The following PACRG variants were observed in gnomAD, a reference collection of about 807,000 sequenced individuals.
PACRG encodes parkin coregulated gene protein.
In PACRG, 29 loss-of-function variants were observed where a neutral mutation model predicts 29.7. The observed-to-expected ratio is 0.98, with a 90% CI of 0.73 to 1.33. The LOEUF (loss-of-function observed/expected upper bound fraction) is 1.33, where lower values mean the gene tolerates loss of function less well. Among genes scored for constraint, PACRG ranks in the 40% most tolerant of loss-of-function variants. PACRG has a pLI of 0.00. For synonymous variants in PACRG, 116 were observed against 118.7 expected, an observed-to-expected ratio of 0.98 and a Z score of 0.15; for missense variants, 279 against 316.2, an observed-to-expected ratio of 0.88 and a Z score of 0.89.
chr6:162,756,594 A>G (rs1454387392), intron 1 of PACRG, among the ~76,000 whole-genome samples: 2 of 152,066 alleles, frequency 1.3e-5, no homozygotes, highest in South Asian at 2.1e-4. Flanking sequence ...TTAAAAATTT[A>G]TTTAGATTCT....
upstream of PACRG, chr6:162,727,864 C>A: frequency 5.0e-6 from 3 of 600,678 alleles, no homozygotes; most frequent in South Asian, 6.1e-5. Flanking sequence ...CGCGTAGTTT[C>A]TCCTCACGCC....
chr6:163,288,867 A>C (rs1784485584), intron 4 of PACRG, among the ~76,000 whole-genome samples: 1 of 152,216 alleles, frequency 6.6e-6, no homozygotes, highest in African/African-American at 2.4e-5. Context: ...TCTAAAGAGA[A>C]ATACATGTGA....
chr6:162,788,375 A>G (rs185470379), intron 1 of PACRG, among the ~76,000 whole-genome samples: 6 of 151,650 alleles, frequency 4.0e-5, no homozygotes, highest in Admixed American at 2.6e-4. Context: ...ATAATATTCC[A>G]TTATTTGGAT....
chr6:163,031,576 C>G (rs938360899), intron 2 of PACRG, among the ~76,000 whole-genome samples: 13 of 152,144 alleles, frequency 8.5e-5, no homozygotes, highest in African/African-American at 2.9e-4. Context: ...GACAAATCAG[C>G]AAGACAAATT....
rs984868588 is a variant in PACRG at position 162,809,879 on chromosome 6, C to T, written c.157-4268C>T. Among the ~76,000 whole-genome samples the T allele has an allele frequency of 2.6e-5, 4 of 152,236 alleles. 1 individual carries two copies. In the East Asian group the frequency reaches 5.8e-4, roughly 22 times the overall value. On this transcript the variant is annotated intron_variant, in intron 1 of 4. Coordinates refer to ENST00000366888, the MANE Select transcript of PACRG (RefSeq NM_001080379.2). The stretch of plus-strand genomic sequence containing the variant: ...TGGGGCTTTGGGACTTTCCTCTTCA[C>T]TAGAATAGTAAAGAGGCCCCAACAT...
intron 2 of PACRG, among the ~76,000 whole-genome samples, chr6:162,988,697 G>C (rs990014817): frequency 2.6e-4 from 39 of 152,164 alleles, no homozygotes; most frequent in African/African-American, 8.7e-4. Context: ...TTTATGTGCA[G>C]CATATTCATT....
chr6:163,152,625 A>G (rs1333116624), intron 4 of PACRG, among the ~76,000 whole-genome samples: 1 of 152,200 alleles, frequency 6.6e-6, no homozygotes, highest in Non-Finnish European at 1.5e-5. Context: ...TTCCTAACTT[A>G]TCATTGCATC....
At chr6:162,953,698 C>T (rs1474421443) in intron 2 of PACRG, among the ~76,000 whole-genome samples, 1 of 151,512 alleles carries the variant, frequency 6.6e-6, no homozygotes, top group African/African-American at 2.4e-5. Context: ...CTAACCCCCC[C>T]ACACTTTCTC....
chr6:162,749,794 A>G (rs1402767939), intron 1 of PACRG, among the ~76,000 whole-genome samples: 1 of 152,200 alleles, frequency 6.6e-6, no homozygotes, highest in African/African-American at 2.4e-5. Flanking sequence ...TGCTGGCATT[A>G]TAGACGTGAG....
chr6:162,909,615 C>T (rs1033050603), intron 2 of PACRG, among the ~76,000 whole-genome samples: 4 of 141,086 alleles, frequency 2.8e-5, no homozygotes, highest in African/African-American at 1.1e-4. Flanking sequence ...TTCCTTGTCC[C>T]CACTTCCTAC....
intron 2 of PACRG, among the ~76,000 whole-genome samples, chr6:163,030,506 A>C (rs1323141031): frequency 6.6e-6 from 1 of 152,150 alleles, no homozygotes; most frequent in Non-Finnish European, 1.5e-5. Context: ...GCCAGTTGTT[A>C]TGTCACAGGA....
chr6:162,855,773 C>T (rs1791339658), intron 2 of PACRG, among the ~76,000 whole-genome samples: 1 of 152,174 alleles, frequency 6.6e-6, no homozygotes, highest in African/African-American at 2.4e-5. Flanking sequence ...ATGTTTTCTC[C>T]ACTGGAGATG....
At chr6:162,986,279 T>C (rs1802882033) in intron 2 of PACRG, among the ~76,000 whole-genome samples, 1 of 151,792 alleles carries the variant, frequency 6.6e-6, no homozygotes, top group Non-Finnish European at 1.5e-5. Context: ...AAAGAACAAA[T>C]CTGAAGGCCT....
chr6:163,068,021 A>T (rs190403991), intron 3 of PACRG, among the ~76,000 whole-genome samples: 83 of 152,304 alleles, frequency 5.4e-4, no homozygotes, highest in African/African-American at 1.9e-3. Flanking sequence ...CTTCATCTGA[A>T]ATTAATTTTA....
chr6:163,178,171 A>G (rs1205343393), intron 4 of PACRG, among the ~76,000 whole-genome samples: 1 of 152,194 alleles, frequency 6.6e-6, no homozygotes, highest in Non-Finnish European at 1.5e-5. Flanking sequence ...CCAGGGCTGC[A>G]GTCCCTTGTT....
chr6:162,892,248 A>G (rs958255739), intron 2 of PACRG, among the ~76,000 whole-genome samples: 3 of 152,272 alleles, frequency 2.0e-5, no homozygotes, highest in Middle Eastern at 3.4e-3. Context: ...CTTCCATGCC[A>G]TTGCCATCCA....
At chr6:163,285,467 A>G (rs902251057) in intron 4 of PACRG, among the ~76,000 whole-genome samples, 15 of 152,138 alleles carry the variant, frequency 9.9e-5, no homozygotes, top group Non-Finnish European at 1.8e-4. Flanking sequence ...GTGAATCCCC[A>G]TGAGGTCAAA....
intron 1 of PACRG, among the ~76,000 whole-genome samples, chr6:162,787,580 G>GTATC (rs746185048): frequency 0.042 from 2,901 of 68,900 alleles, 146 homozygotes; most frequent in African/African-American, 0.061. Context: ...GTGTGTGTGT[G>GTATC]TGTATATATA....
At chr6:162,849,655 T>G (rs940555306) in intron 2 of PACRG, among the ~76,000 whole-genome samples, 1 of 152,266 alleles carries the variant, frequency 6.6e-6, no homozygotes. Flanking sequence ...ACTTTTTATA[T>G]CTTTCTAAAA....
Sources: allele counts gnomAD v4.1 joint callset (sites outside exome capture counted in the v4.1 genomes callset), GRCh38; gene constraint gnomAD v4.1.1; transcripts MANE v1.5; gene names NCBI Gene and HGNC (gene_info 2026-07-23, HGNC 2026-07-21).